Variants in SPAG16 observed in about 807,000 individuals in gnomAD.
The protein encoded by SPAG16 is sperm associated antigen 16, also known as sperm-associated antigen 16 protein.
In SPAG16, 86 loss-of-function variants were observed where a neutral mutation model predicts 80.4. That is an observed-to-expected ratio of 1.07 (90% CI 0.90 to 1.28). The LOEUF is 1.28. Ranked by LOEUF, SPAG16 falls within the 50% of genes most tolerant of loss-of-function variation. The pLI is 0.00. For synonymous variants in SPAG16, 294 were observed against 265.9 expected (o/e 1.11, Z -1.03); for missense variants, 870 against 765.3 (o/e 1.14, Z -1.61).
chr2:214,044,560 T>A (rs1402722202), intron 13 of SPAG16, among the ~76,000 whole-genome samples: 1 of 152,184 alleles, frequency 6.6e-6, no homozygotes, highest in East Asian at 1.9e-4. Flanking sequence ...AAAATTGCCT[T>A]CATCAGAACC....
At chr2:213,299,660 A>G (rs2062645386) in intron 3 of SPAG16, among the ~76,000 whole-genome samples, 2 of 152,138 alleles carry the variant, frequency 1.3e-5, no homozygotes, top group Admixed American at 1.3e-4. Context: ...TATAAATTTT[A>G]AATTGTGTAT....
At chr2:213,647,880 CT>C (rs1299973396) in intron 10 of SPAG16, among the ~76,000 whole-genome samples, 1 of 152,144 alleles carries the variant, frequency 6.6e-6, no homozygotes, top group Non-Finnish European at 1.5e-5. Context: ...CAGTTGCCTC[CT>C]TCAATTCATT....
intron 11 of SPAG16, among the ~76,000 whole-genome samples, chr2:213,921,529 C>A (rs1453191356): frequency 1.3e-5 from 2 of 152,140 alleles, no homozygotes; most frequent in East Asian, 3.9e-4. Flanking sequence ...AAGCTGTTTA[C>A]ATTCAAGGTT....
intron 10 of SPAG16, among the ~76,000 whole-genome samples, chr2:213,707,583 G>GC: frequency 6.6e-6 from 1 of 151,854 alleles, no homozygotes; most frequent in African/African-American, 2.4e-5. Context: ...TGATATGAAA[G>GC]TAGGTGCTCT....
intron 10 of SPAG16, among the ~76,000 whole-genome samples, chr2:213,697,175 A>G (rs1056802654): frequency 6.6e-6 from 1 of 152,182 alleles, no homozygotes; most frequent in Non-Finnish European, 1.5e-5. Flanking sequence ...GAAGCCCTAG[A>G]TTGAATCTAT....
At chr2:214,145,614 A>T (rs560477072) in intron 14 of SPAG16, among the ~76,000 whole-genome samples, 29 of 151,948 alleles carry the variant, frequency 1.9e-4, no homozygotes, top group Non-Finnish European at 3.8e-4. Flanking sequence ...AGGATCTTTA[A>T]TTTGGTGGTG....
At chr2:213,673,203 C>G (rs775422898) in intron 10 of SPAG16, among the ~76,000 whole-genome samples, 9 of 152,064 alleles carry the variant, frequency 5.9e-5, no homozygotes, top group Non-Finnish European at 8.8e-5. Flanking sequence ...CTGTATTTTT[C>G]TGACACCACA....
intron 12 of SPAG16, among the ~76,000 whole-genome samples, chr2:214,013,680 A>G (rs570449494): frequency 1.2e-3 from 182 of 152,336 alleles, no homozygotes; most frequent in African/African-American, 4.3e-3. Context: ...CTGTCATTTC[A>G]TGGTAAAGTA....
intron 13 of SPAG16, among the ~76,000 whole-genome samples, chr2:214,022,701 A>G (rs2047934639): frequency 1.7e-5 from 2 of 114,374 alleles, no homozygotes; most frequent in African/African-American, 3.2e-5. Flanking sequence ...AAAGAAGTGA[A>G]GGAGGGAAGG....
intron 13 of SPAG16, among the ~76,000 whole-genome samples, chr2:214,079,721 T>A (rs1041339572): frequency 1.3e-5 from 2 of 152,198 alleles, no homozygotes; most frequent in Non-Finnish European, 2.9e-5. Context: ...CCTATTTTAT[T>A]AATTGCCTTA....
intron 7 of SPAG16, among the ~76,000 whole-genome samples, chr2:213,363,140 A>C (rs1395723487): frequency 6.6e-6 from 1 of 152,150 alleles, no homozygotes; most frequent in Non-Finnish European, 1.5e-5. Flanking sequence ...ATATTGGTTC[A>C]TTATTTGTGA....
At chr2:213,449,282 A>C (rs143822111) in intron 9 of SPAG16, among the ~76,000 whole-genome samples, 40 of 152,290 alleles carry the variant, frequency 2.6e-4, no homozygotes, top group African/African-American at 9.4e-4. Context: ...TTATCAAGAC[A>C]ATACATGCAC....
chr2:214,287,651 C>A (rs996029822), intron 15 of SPAG16, among the ~76,000 whole-genome samples: 2 of 152,148 alleles, frequency 1.3e-5, no homozygotes, highest in Admixed American at 1.3e-4. Flanking sequence ...CAATTGAATG[C>A]ATTCACATTA....
intron 15 of SPAG16, among the ~76,000 whole-genome samples, chr2:214,266,960 C>A (rs1332373862): frequency 6.6e-6 from 1 of 151,456 alleles, no homozygotes; most frequent in Non-Finnish European, 1.5e-5. Flanking sequence ...TGGAAAGATA[C>A]CCCATGTTTG....
At chr2:213,861,161 GA>G (rs2075439943) in intron 10 of SPAG16, among the ~76,000 whole-genome samples, 1 of 152,206 alleles carries the variant, frequency 6.6e-6, no homozygotes, top group African/African-American at 2.4e-5. Flanking sequence ...TCACTAGAAA[GA>G]AGGCCATGCC....
At chr2:214,298,764 G>A (rs533655403) in intron 15 of SPAG16, among the ~76,000 whole-genome samples, 4 of 152,088 alleles carry the variant, frequency 2.6e-5, no homozygotes, top group East Asian at 1.9e-4. Context: ...CCCTAGGCTC[G>A]ATTTCTTTTT....
chr2:213,956,473 G>T (rs182907695), intron 12 of SPAG16, among the ~76,000 whole-genome samples: 112 of 136,206 alleles, frequency 8.2e-4, no homozygotes, highest in African/African-American at 2.8e-3. Flanking sequence ...TTTGAGGCAG[G>T]GTCTCACTCT....
At chr2:213,738,054 A>G (rs1446397526) in intron 10 of SPAG16, among the ~76,000 whole-genome samples, 2 of 152,198 alleles carry the variant, frequency 1.3e-5, no homozygotes, top group Non-Finnish European at 2.9e-5. Context: ...TAGTTTTCTA[A>G]AAACTTTAGC....
chr2:213,339,057 T>G (rs957467035), intron 5 of SPAG16, among the ~76,000 whole-genome samples: 3 of 151,556 alleles, frequency 2.0e-5, no homozygotes, highest in Non-Finnish European at 4.4e-5. Flanking sequence ...GAAAGAAACT[T>G]GGAAGAATGG....
Sources: allele counts gnomAD v4.1 joint callset (sites outside exome capture counted in the v4.1 genomes callset), GRCh38; gene constraint gnomAD v4.1.1; transcripts MANE v1.5; gene names NCBI Gene and HGNC (gene_info 2026-07-23, HGNC 2026-07-21).